The following TMPRSS15 variants were observed in gnomAD, a reference collection of about 807,000 sequenced individuals.
TMPRSS15 encodes transmembrane serine protease 15, also known as enteropeptidase.
In TMPRSS15, 128 loss-of-function variants were observed where a neutral mutation model predicts 125.3. The ratio of observed to expected loss-of-function variants is 1.02; its 90% CI spans 0.89 to 1.18. The LOEUF is 1.18. Ranked by LOEUF, TMPRSS15 falls within the 50% of genes most tolerant of loss-of-function variation. TMPRSS15 has a pLI of 0.00. For missense variants in TMPRSS15, 1,283 were observed against 1,212.7 expected (o/e 1.06, Z -0.86); for synonymous variants, 446 against 423.2 (o/e 1.05, Z -0.66).
At chr21:18,438,031 G>C (rs1001207650) in intron 1 of TMPRSS15, among the ~76,000 whole-genome samples, 3 of 151,620 alleles carry the variant, frequency 2.0e-5, no homozygotes, top group Admixed American at 6.6e-5. Context: ...ACACACGTAT[G>C]TTTACTGAGG....
Position 18,331,247 on chromosome 21 carries a change from A to G in TMPRSS15, c.1654+837T>C, listed in dbSNP as rs536559108. On this transcript the variant is annotated intron_variant, in intron 14 of 24. Coordinates refer to ENST00000284885, the MANE Select transcript of TMPRSS15 (RefSeq NM_002772.3). ...GCTCTCTTATCTCTTGATCATCTGA[A>G]GGAGCAAGGTTGGCTTTTTCTGAAG... is the stretch of plus-strand genomic sequence containing the variant. 2.0e-5 allele frequency among the ~76,000 whole-genome samples: 3 copies of G among 152,218 alleles called. No homozygotes were observed. The South Asian group carries it at 6.2e-4, about 32-fold the overall frequency.
intron 18 of TMPRSS15, among the ~76,000 whole-genome samples, chr21:18,298,858 C>G (rs893346590): frequency 6.6e-6 from 1 of 152,190 alleles, no homozygotes; most frequent in Non-Finnish European, 1.5e-5. Flanking sequence ...TTCCAGGGAA[C>G]TTCCAAGTAA....
At chr21:18,383,021 C>T (rs775632404) in intron 4 of TMPRSS15, among the ~76,000 whole-genome samples, 170 of 152,178 alleles carry the variant, frequency 1.1e-3, no homozygotes, top group Non-Finnish European at 1.9e-3. Context: ...AACTCATTGA[C>T]TCTACTTTTT....
At chr21:18,397,177 C>T (rs2076048670) in intron 3 of TMPRSS15, among the ~76,000 whole-genome samples, 1 of 151,900 alleles carries the variant, frequency 6.6e-6, no homozygotes, top group South Asian at 2.1e-4. Context: ...ATTCCAAAAG[C>T]CCTTTGGTAG....
Position 18,424,940 on chromosome 21 carries a change from C to T in TMPRSS15, c.11-26611G>A, listed in dbSNP as rs550881437. ...ATATTATATATGAATATTATATATT[C>T]ATACATGTGTGAATTCATATGTATG... On this transcript the variant is annotated intron_variant, in intron 1 of 7. Coordinates refer to the TMPRSS15 transcript ENST00000422787. Among the ~76,000 whole-genome samples the T allele has an allele frequency of 2.2e-3, 332 of 148,432 alleles. 1 individual carries two copies. The highest frequency in any genetic ancestry group is 3.3e-3 in the Non-Finnish European group (220 of 67,248).
chr21:18,362,929 C>A (rs952847715), intron 7 of TMPRSS15, among the ~76,000 whole-genome samples: 7 of 152,048 alleles, frequency 4.6e-5, no homozygotes, highest in Admixed American at 6.6e-5. Flanking sequence ...TAGATTTGAA[C>A]CCACACAAAC....
intron 1 of TMPRSS15, among the ~76,000 whole-genome samples, chr21:18,482,172 AATTAT>A (rs1329703835): frequency 1.3e-5 from 2 of 151,250 alleles, no homozygotes; most frequent in Non-Finnish European, 3.0e-5. Flanking sequence ...AACCAACTTA[AATTAT>A]AATATAAATA....
chr21:18,450,914 G>A (rs1601467139), intron 1 of TMPRSS15, among the ~76,000 whole-genome samples: 2 of 152,258 alleles, frequency 1.3e-5, no homozygotes, highest in African/African-American at 4.8e-5. Context: ...AGGCCTTCTA[G>A]TATTTGGACA....
At chr21:18,305,327 T>A (rs1238425619) in intron 18 of TMPRSS15, among the ~76,000 whole-genome samples, 4 of 151,676 alleles carry the variant, frequency 2.6e-5, no homozygotes, top group African/African-American at 7.3e-5. Flanking sequence ...TAGCTGGGAC[T>A]ACAGGCGCCC....
intron 4 of TMPRSS15, among the ~76,000 whole-genome samples, chr21:18,381,062 C>T (rs2075888657): frequency 6.6e-6 from 1 of 152,068 alleles, no homozygotes; most frequent in South Asian, 2.1e-4. Context: ...TGGCAATTTT[C>T]TTCAAACTTT....
chr21:18,273,048 T>C (rs1258525418), intron 24 of TMPRSS15, among the ~76,000 whole-genome samples: 3 of 152,178 alleles, frequency 2.0e-5, no homozygotes, highest in Non-Finnish European at 4.4e-5. Context: ...TTTGCATTTC[T>C]AGCAGGTTCT....
chr21:18,383,497 A>G (rs1481967984), intron 4 of TMPRSS15, 130 bp downstream of exon 4: 51 of 1,063,852 alleles, frequency 4.8e-5, no homozygotes, highest in Non-Finnish European at 6.7e-5. Context: ...TTCTCATGTA[A>G]ATGTGTCACC....
chr21:18,326,592 G>C lies in TMPRSS15; in HGVS notation c.1781-20C>G. The C allele has an allele frequency of 1.2e-6, 2 of 1,613,910 alleles. No homozygotes were observed. Among genetic ancestry groups the C allele is most frequent in the Non-Finnish European group, 1.7e-6 (2 of 1,179,868 alleles). ...ACACAGCTGTTCCAAAGGAAAACGAGATAATCAGTGAGATGATCCTTTGGA... is the reference window on the plus strand; with the variant it reads ...ACACAGCTGTTCCAAAGGAAAACGACATAATCAGTGAGATGATCCTTTGGA... On this transcript the variant is annotated intron_variant, in intron 15 of 24. Coordinates refer to ENST00000284885, the MANE Select transcript of TMPRSS15 (RefSeq NM_002772.3).
chr21:18,380,786 T>C (rs183478731), intron 4 of TMPRSS15, among the ~76,000 whole-genome samples: 4 of 152,280 alleles, frequency 2.6e-5, no homozygotes, highest in Admixed American at 2.6e-4. Context: ...ATTCTCTCTA[T>C]GCAGTTTACT....
chr21:18,332,818 A>G (rs1429243665), intron 13 of TMPRSS15, among the ~76,000 whole-genome samples: 1 of 152,212 alleles, frequency 6.6e-6, no homozygotes, highest in Non-Finnish European at 1.5e-5. Context: ...GCGCTATTCA[A>G]AATAGGAAAG....
rs1362685450 is a variant in TMPRSS15 at position 18,359,628 on chromosome 21, TG to T, written c.880+128del. The T allele has an allele frequency of 9.1e-5, 48 of 527,944 alleles. 2 individuals are homozygous for T. The highest frequency in any genetic ancestry group is 3.9e-4 in the Admixed American group (11 of 28,022). The allele number at this position is 527,944 out of a possible 1,614,324, so 32.7% of individuals were successfully genotyped here. A position where few individuals can be genotyped will look rare whatever the true frequency, so the allele number is the denominator to read the frequency against. On this transcript the variant is annotated intron_variant, in intron 8 of 24. Transcript: ENST00000284885. ...TCTAATTTTTATAATGAGAAGCAAT[TG>T]TTTTTTTTTTAGTTTTATAAGTTTC...
intron 16 of TMPRSS15, among the ~76,000 whole-genome samples, chr21:18,322,593 G>T (rs1375116516): frequency 6.6e-6 from 1 of 152,160 alleles, no homozygotes; most frequent in Non-Finnish European, 1.5e-5. Flanking sequence ...GAGGAAACTG[G>T]AGGACATTAT....
intron 1 of TMPRSS15, among the ~76,000 whole-genome samples, chr21:18,462,744 T>C (rs2122953392): frequency 3.3e-5 from 5 of 151,412 alleles, no homozygotes; most frequent in African/African-American, 1.2e-4. Flanking sequence ...ATCAAGAAAA[T>C]CACGCATTTA....
At chr21:18,473,884 T>A (rs935232531) in intron 1 of TMPRSS15, among the ~76,000 whole-genome samples, 12 of 152,178 alleles carry the variant, frequency 7.9e-5, no homozygotes, top group Admixed American at 2.6e-4. Flanking sequence ...ATTCACTTTA[T>A]TGATATAATT....
Sources: gnomAD v4.1 joint callset for allele counts (sites outside exome capture counted in the v4.1 genomes callset) on GRCh38, gnomAD v4.1.1 for gene constraint, MANE v1.5 for transcripts, NCBI Gene and HGNC (gene_info 2026-07-23, HGNC 2026-07-21) for gene names.